The following VIPR2 variants were observed in gnomAD, a reference collection of about 807,000 sequenced individuals.
VIPR2 encodes vasoactive intestinal peptide receptor 2, also known as vasoactive intestinal polypeptide receptor 2.
A neutral mutation model predicts 58.0 loss-of-function variants in VIPR2; 48 were observed. The ratio of observed to expected loss-of-function variants is 0.83; its 90% CI spans 0.66 to 1.05. The LOEUF (loss-of-function observed/expected upper bound fraction) is 1.05, where lower values mean the gene tolerates loss of function less well. Ranked by LOEUF, VIPR2 falls within the 50% of genes least tolerant of loss-of-function variation. The pLI is 0.00. For missense variants in VIPR2, 534 were observed against 558.0 expected, an observed-to-expected ratio of 0.96 and a Z score of 0.43; for synonymous variants, 243 against 235.2, an observed-to-expected ratio of 1.03 and a Z score of -0.30.
chr7:159,064,149 G>A (rs1472467764), intron 4 of VIPR2, among the ~76,000 whole-genome samples: 10 of 152,038 alleles, frequency 6.6e-5, no homozygotes, highest in Non-Finnish European at 1.0e-4. Flanking sequence ...GGGTGGGCGC[G>A]GAGGGAGCAG....
chr7:159,119,895 G>C (rs112782245), intron 2 of VIPR2, among the ~76,000 whole-genome samples: 1 of 147,334 alleles, frequency 6.8e-6, no homozygotes, highest in Admixed American at 6.9e-5. Flanking sequence ...TGGAAGAAAC[G>C]CCTGTCCCCT....
chr7:159,068,630 A>G (rs538670415), intron 4 of VIPR2, among the ~76,000 whole-genome samples: 2 of 152,350 alleles, frequency 1.3e-5, no homozygotes. Flanking sequence ...GTGAGGGAGA[A>G]AGCAGATCCC....
intron 2 of VIPR2, among the ~76,000 whole-genome samples, chr7:159,118,843 TG>T (rs1563343910): frequency 2.6e-5 from 4 of 152,266 alleles, no homozygotes; most frequent in African/African-American, 9.6e-5. Context: ...GTCACCAGCA[TG>T]GGCTCTGCTG....
Position 159,096,793 on chromosome 7 carries a change from G to C in VIPR2, c.357+6964C>G, listed in dbSNP as rs1585482372. ...GCCCCTGCCTGAGGTCAGTCTCGTG[G>C]CCCCCGCAGCAGCCACAGGCCCAGC... On this transcript the variant is annotated intron_variant, in intron 4 of 12. Coordinates refer to ENST00000262178, the MANE Select transcript of VIPR2 (RefSeq NM_003382.5). This position sits in a 1 kb window ranked among gnomAD's most constrained non-coding sequence, Gnocchi z 5.5. The C allele has an allele frequency of 7.0e-7, 1 of 1,425,146 alleles. No homozygotes were observed. The highest frequency in any genetic ancestry group is 9.2e-7 in the Non-Finnish European group (1 of 1,083,516). 88.3% of individuals were successfully genotyped at this position (1,425,146 alleles called of 1,614,324 possible).
intron 5 of VIPR2, among the ~76,000 whole-genome samples, 175 bp from the exon 6 acceptor site, chr7:159,043,351 G>A (rs1490501051): frequency 6.6e-6 from 1 of 151,874 alleles, no homozygotes; most frequent in African/African-American, 2.4e-5. Context: ...CTGTGGCAGA[G>A]AAAAATGAAA....
rs562899391 is a variant in VIPR2, at chr7:159,098,280, T to G, written c.357+5477A>C. On this transcript the variant is annotated intron_variant, in intron 4 of 12. Coordinates refer to ENST00000262178, the MANE Select transcript of VIPR2 (RefSeq NM_003382.5). The surrounding 1 kb of genome is among the most constrained non-coding windows in gnomAD (Gnocchi z 5.2). The stretch of plus-strand genomic sequence containing the variant: ...ACTTGGTGATCCCGAGCCCTCAGTC[T>G]GCTGGTGGTGGTGCTCGAGAACTGT... Among the ~76,000 whole-genome samples the G allele has an allele frequency of 6.6e-6, 1 of 152,130 alleles. No homozygotes were observed. The highest frequency in any genetic ancestry group is 1.5e-5 in the Non-Finnish European group (1 of 68,012).
chr7:159,043,258 C>A, intron 5 of VIPR2, 82 bp from the exon 6 acceptor site: 1 of 1,278,986 alleles, frequency 7.8e-7, no homozygotes, highest in Non-Finnish European at 1.1e-6. Flanking sequence ...ATGAGAAACT[C>A]ATACTATGAT....
intron 2 of VIPR2, among the ~76,000 whole-genome samples, chr7:159,134,847 C>T (rs1041931911): frequency 2.0e-5 from 3 of 151,634 alleles, no homozygotes; most frequent in African/African-American, 4.8e-5. Context: ...TTAGTAGAGA[C>T]GGGGTCTCAC....
At chr7:159,086,365 G>A (rs1857171317) in intron 4 of VIPR2, among the ~76,000 whole-genome samples, 1 of 152,178 alleles carries the variant, frequency 6.6e-6, no homozygotes, top group Non-Finnish European at 1.5e-5. Flanking sequence ...TTGTGGGGAG[G>A]TGCCCTGTTC....
chr7:159,045,237 G>A (rs958509521), intron 5 of VIPR2, among the ~76,000 whole-genome samples: 2 of 152,184 alleles, frequency 1.3e-5, no homozygotes, highest in Non-Finnish European at 2.9e-5. Context: ...CACGCATGGG[G>A]GAGTGCCAAA....
At chr7:159,062,405 T>C (rs1158553910) in intron 4 of VIPR2, among the ~76,000 whole-genome samples, 3 of 152,200 alleles carry the variant, frequency 2.0e-5, no homozygotes, top group Non-Finnish European at 4.4e-5. Flanking sequence ...AGTTTGTTCC[T>C]TCTGATGTTC....
chr7:159,049,474 G>A (rs1854853866), intron 5 of VIPR2, among the ~76,000 whole-genome samples: 1 of 152,180 alleles, frequency 6.6e-6, no homozygotes, highest in Admixed American at 6.5e-5. Context: ...AGCTCTCCGG[G>A]CACAGAGGGT....
chr7:159,051,375 T>C (rs886546080), intron 5 of VIPR2, among the ~76,000 whole-genome samples: 5 of 152,164 alleles, frequency 3.3e-5, no homozygotes. Context: ...AGGATGCCTA[T>C]TGTGAATCTG....
At position 159,112,635 on chromosome 7, in the gene VIPR2, G is replaced by A. The variant is rs1315715468; in HGVS notation, c.152-2716C>T. Among the ~76,000 whole-genome samples, 4 of 136,266 alleles carry A rather than the reference G, an allele frequency of 2.9e-5. No homozygotes were observed. The South Asian group carries it at 1.1e-3, about 36-fold the overall frequency. 89.4% of individuals were successfully genotyped at this position (136,266 alleles called of 152,430 possible). A position where few individuals can be genotyped will look rare whatever the true frequency, so the allele number is the denominator to read the frequency against. Reference sequence around the variant, plus strand: ...CGGCAAGGGTGGAGGACGCTGCAGGGAACCGACGGGACCCGGCCGAGAGCC... The same window carrying A: ...CGGCAAGGGTGGAGGACGCTGCAGGAAACCGACGGGACCCGGCCGAGAGCC... On this transcript the variant is annotated intron_variant, in intron 2 of 12. Transcript: ENST00000262178.
chr7:159,030,840 GGCT>G, intron 12 of VIPR2, 51 bp from the exon 13 acceptor site: 1 of 1,452,612 alleles, frequency 6.9e-7, no homozygotes. Context: ...AGGTGCGGGC[GGCT>G]GCTATGGGAA....
At position 159,128,772 on chromosome 7, in the gene VIPR2, G is replaced by A. The variant is rs948131521; in HGVS notation, c.151+13674C>T. 4.6e-5 allele frequency among the ~76,000 whole-genome samples: 7 copies of A among 152,044 alleles called. No individual in the cohort carries two copies. The highest frequency in any genetic ancestry group is 9.7e-5 in the African/African-American group (4 of 41,398). On this transcript the variant is annotated intron_variant, in intron 2 of 12. Transcript: ENST00000262178. The surrounding 1 kb of genome is among the most constrained non-coding windows in gnomAD (Gnocchi z 4.1). Reference sequence around the variant, plus strand: ...CCTTCCTGAAACACAGCTCACATGCGAACCCCACTTCTCAGGAGCCTTCAG... The same window carrying A: ...CCTTCCTGAAACACAGCTCACATGCAAACCCCACTTCTCAGGAGCCTTCAG...
At chr7:159,135,021 TTTTTTTTTTAA>T (rs1563357356) in intron 2 of VIPR2, among the ~76,000 whole-genome samples, 1 of 104,370 alleles carries the variant, frequency 9.6e-6, no homozygotes, top group South Asian at 3.0e-4. Flanking sequence ...TTTTTTTTTT[TTTTTTTTTTAA>T]CATTTTAAGT....
At chr7:159,112,973 GCT>G (rs1325049851) in intron 2 of VIPR2, among the ~76,000 whole-genome samples, 2 of 152,234 alleles carry the variant, frequency 1.3e-5, no homozygotes, top group African/African-American at 4.8e-5. Context: ...TGAGCAGGAG[GCT>G]CACAATGCCT....
chr7:159,085,586 C>T (rs138946318), intron 4 of VIPR2, among the ~76,000 whole-genome samples: 2,463 of 152,342 alleles, frequency 0.016, 72 homozygotes, highest in African/African-American at 0.054. Context: ...TGGGCCACCG[C>T]GCCCGGCCTC....
Sources: allele counts gnomAD v4.1 joint callset (sites outside exome capture counted in the v4.1 genomes callset), GRCh38; gene constraint gnomAD v4.1.1; non-coding constraint Gnocchi (gnomAD v3.1); transcripts MANE v1.5; gene names NCBI Gene and HGNC (gene_info 2026-07-23, HGNC 2026-07-21).